The following TNFAIP8L3 variants were observed in gnomAD, a reference collection of about 807,000 sequenced individuals.
TNFAIP8L3 encodes tumor necrosis factor alpha-induced protein 8-like protein 3.
TNFAIP8L3 carries 7 observed loss-of-function variants against 11.8 expected under a neutral mutation model. That is an observed-to-expected ratio of 0.59 (90% CI 0.34 to 1.11). TNFAIP8L3 has a LOEUF of 1.11. Ranked by LOEUF, TNFAIP8L3 falls within the 50% of genes most tolerant of loss-of-function variation. The pLI is 0.03. For missense variants in TNFAIP8L3, 219 were observed against 258.6 expected (o/e 0.85, Z 1.05); for synonymous variants, 98 against 103.8 (o/e 0.94, Z 0.34).
intron 1 of TNFAIP8L3, among the ~76,000 whole-genome samples, chr15:51,063,391 C>G (rs2065251969): frequency 1.3e-5 from 2 of 152,178 alleles, no homozygotes; most frequent in Admixed American, 6.5e-5. Context: ...CAAATTGGGA[C>G]AAGTTGGTCA....
At position 51,057,732 on chromosome 15, in the gene TNFAIP8L3, TTCAGCATCAGAA is replaced by T; in HGVS notation, c.*137_*148del. The stretch of plus-strand genomic sequence containing the variant: ...GGAAGAAAAACACACCTGAGCTCAG[TTCAGCATCAGAA>T]TCAGCATCAGAGGGATGAACAGGAA... On this transcript the variant is annotated 3_prime_UTR_variant, in exon 2 of 2. Transcript: ENST00000637513. 2.8e-6 allele frequency: 2 copies of T among 705,094 alleles called. No homozygotes were observed. The highest frequency in any genetic ancestry group is 5.5e-5 in the East Asian group (2 of 36,158). 43.7% of individuals were successfully genotyped at this position (705,094 alleles called of 1,614,324 possible). A position where few individuals can be genotyped will look rare whatever the true frequency, so the allele number is the denominator to read the frequency against.
chr15:51,103,795 T>G (rs1288966163), intron 1 of TNFAIP8L3, among the ~76,000 whole-genome samples: 1 of 152,252 alleles, frequency 6.6e-6, no homozygotes. Context: ...AACTCATACT[T>G]TAACTTCTCT....
chr15:51,104,262 G>C (rs1382143732), intron 1 of TNFAIP8L3, among the ~76,000 whole-genome samples: 2 of 151,996 alleles, frequency 1.3e-5, no homozygotes, highest in Admixed American at 1.3e-4. Context: ...GCTCTTTCCT[G>C]TGTCTTGATT....
At chr15:51,093,959 G>A (rs1187621322) in intron 1 of TNFAIP8L3, among the ~76,000 whole-genome samples, 1 of 152,176 alleles carries the variant, frequency 6.6e-6, no homozygotes, top group African/African-American at 2.4e-5. Context: ...CTGTGTTCGG[G>A]GACCAGTCCG....
intron 1 of TNFAIP8L3, chr15:51,069,441 T>A (rs1486523651): frequency 6.6e-6 from 1 of 152,214 alleles, no homozygotes; most frequent in East Asian, 1.9e-4. Flanking sequence ...ATAATTACAC[T>A]TGAAAAGCAG....
At chr15:51,066,593 G>C (rs949309740) in intron 1 of TNFAIP8L3, among the ~76,000 whole-genome samples, 2 of 152,200 alleles carry the variant, frequency 1.3e-5, no homozygotes, top group Non-Finnish European at 2.9e-5. Context: ...CGAGTGGTGA[G>C]AGTGATGGCC....
intron 1 of TNFAIP8L3, among the ~76,000 whole-genome samples, chr15:51,081,721 AT>A (rs2065393731): frequency 6.6e-6 from 1 of 152,232 alleles, no homozygotes; most frequent in Non-Finnish European, 1.5e-5. Context: ...CTCCTCATCC[AT>A]TCCCTGAGTC....
chr15:51,094,166 GC>G lies in TNFAIP8L3; in HGVS notation c.52+377del, dbSNP rs1445698651. ...ACCTGCGCCGCAGCGCAGTCCCGGC[GC>G]CCCAGGTTCGAGGACCCGGCCCGCG... On this transcript the variant is annotated intron_variant, in intron 1 of 1. Transcript: ENST00000637513. This position sits in a 1 kb window ranked among gnomAD's most constrained non-coding sequence, Gnocchi z 4.4. Among the ~76,000 whole-genome samples the G allele has an allele frequency of 6.6e-6, 1 of 152,184 alleles. No homozygotes were observed. The highest frequency in any genetic ancestry group is 6.5e-5 in the Admixed American group (1 of 15,282).
At chr15:51,073,546 T>C (rs2065327586) in intron 1 of TNFAIP8L3, among the ~76,000 whole-genome samples, 1 of 152,236 alleles carries the variant, frequency 6.6e-6, no homozygotes, top group African/African-American at 2.4e-5. Context: ...TATACTTATC[T>C]CCAATTGAGA....
intron 1 of TNFAIP8L3, among the ~76,000 whole-genome samples, chr15:51,078,962 T>G (rs1567292060): frequency 6.6e-6 from 1 of 152,150 alleles, no homozygotes; most frequent in Non-Finnish European, 1.5e-5. Flanking sequence ...CAGCTACTGT[T>G]CTATTTTCCA....
chr15:51,101,833 C>G (rs1448499695), intron 1 of TNFAIP8L3, among the ~76,000 whole-genome samples: 1 of 149,894 alleles, frequency 6.7e-6, no homozygotes, highest in African/African-American at 2.5e-5. Context: ...GTAGTCCCAG[C>G]TACTCGGGAG....
At chr15:51,087,754 T>C (rs1001590811) in intron 1 of TNFAIP8L3, among the ~76,000 whole-genome samples, 1 of 151,822 alleles carries the variant, frequency 6.6e-6, no homozygotes, top group African/African-American at 2.4e-5. Context: ...TGCACACTGG[T>C]AGATTTTCCA....
intron 1 of TNFAIP8L3, among the ~76,000 whole-genome samples, chr15:51,101,945 CAAAAAA>C (rs11297566): frequency 1.2e-5 from 1 of 85,720 alleles, no homozygotes; most frequent in Non-Finnish European, 2.3e-5. Flanking sequence ...GACTCTGTCT[CAAAAAA>C]AAAAAAAAAA....
chr15:51,057,007 T>G lies in TNFAIP8L3; in HGVS notation c.*874A>C, dbSNP rs1377999287. On this transcript the variant is annotated 3_prime_UTR_variant, in exon 2 of 2. Transcript: ENST00000637513. Reference sequence around the variant, plus strand: ...TCACTGCAGCCTCCATCTCCCAGGTTCAAACAATTCTCCTGCCTCAGCCTC... The same window carrying G: ...TCACTGCAGCCTCCATCTCCCAGGTGCAAACAATTCTCCTGCCTCAGCCTC... The G allele has an allele frequency of 6.6e-6, 1 of 152,252 alleles. No individual in the cohort carries two copies. Among genetic ancestry groups the G allele is most frequent in the East Asian group, 1.9e-4 (1 of 5,200 alleles). 9.4% of individuals were successfully genotyped at this position (152,252 alleles called of 1,614,324 possible).
chr15:51,081,530 G>T (rs2065392368), intron 1 of TNFAIP8L3, among the ~76,000 whole-genome samples: 1 of 152,180 alleles, frequency 6.6e-6, no homozygotes, highest in African/African-American at 2.4e-5. Flanking sequence ...CCCTCACCTG[G>T]CCTTGATTCC....
chr15:51,057,943 T>TA lies in TNFAIP8L3; in HGVS notation c.552dup (p.Arg185Ter). The TA allele has an allele frequency of 6.2e-7, 1 of 1,612,120 alleles. No homozygotes were observed. Among genetic ancestry groups the TA allele is most frequent in the Non-Finnish European group, 8.5e-7 (1 of 1,179,374 alleles). On this transcript the variant is annotated frameshift_variant, in exon 2 of 2. Coordinates refer to ENST00000637513, the MANE Select transcript of TNFAIP8L3 (RefSeq NM_001311175.2). LOFTEE classifies it high-confidence loss of function. The stretch of plus-strand genomic sequence containing the variant: ...TCACAAATCCTCTTGAGGTTGGGCC[T>TA]ACAGTCTCCATCCAGACTATAGAGG...
At chr15:51,071,050 C>CAA (rs55991711) in intron 1 of TNFAIP8L3, among the ~76,000 whole-genome samples, 202 of 30,726 alleles carry the variant, frequency 6.6e-3, no homozygotes, top group East Asian at 0.011. Context: ...GACTCCGTCT[C>CAA]AAAAAAAAAA....
At chr15:51,071,986 A>G (rs1176234713) in intron 1 of TNFAIP8L3, among the ~76,000 whole-genome samples, 1 of 152,010 alleles carries the variant, frequency 6.6e-6, no homozygotes, top group Admixed American at 6.6e-5. Flanking sequence ...TTGTTCATAT[A>G]ATTTACTCAT....
chr15:51,080,814 A>G (rs532577540), intron 1 of TNFAIP8L3, among the ~76,000 whole-genome samples: 3 of 152,370 alleles, frequency 2.0e-5, no homozygotes, highest in African/African-American at 7.2e-5. Flanking sequence ...CCGCCTGAGT[A>G]AGCAGCTATC....
Sources: gnomAD v4.1 joint callset for allele counts (sites outside exome capture counted in the v4.1 genomes callset) on GRCh38, gnomAD v4.1.1 for gene constraint, Gnocchi (gnomAD v3.1) non-coding constraint, MANE v1.5 for transcripts, NCBI Gene and HGNC (gene_info 2026-07-23, HGNC 2026-07-21) for gene names.